The following UGT3A2 variants were observed in gnomAD, a reference collection of about 807,000 sequenced individuals.
UGT3A2 encodes the protein UDP-glycosyltransferase 3A2.
A neutral mutation model predicts 39.8 loss-of-function variants in UGT3A2; 32 were observed. The observed-to-expected ratio is 0.80, with a 90% confidence interval of 0.61 to 1.08. The LOEUF is 1.08. Ranked by LOEUF, UGT3A2 falls within the 50% of genes least tolerant of loss-of-function variation. The pLI, the probability that UGT3A2 is intolerant of heterozygous loss-of-function variation, is 0.00. For synonymous variants in UGT3A2, 241 were observed against 230.7 expected (o/e 1.04, Z -0.40); for missense variants, 611 against 637.1 (o/e 0.96, Z 0.44).
chr5:36,036,072 A>G (rs1191715214), intron 6 of UGT3A2, 98 bp from the exon 7 acceptor site: 4 of 1,452,342 alleles, frequency 2.8e-6, no homozygotes, highest in Non-Finnish European at 3.7e-6. Context: ...CTGAGTTCCA[A>G]GGAAATTCTG....
chr5:36,036,161 A>G (rs1741821734), intron 6 of UGT3A2, among the ~76,000 whole-genome samples, 187 bp from the exon 7 acceptor site: 1 of 152,264 alleles, frequency 6.6e-6, no homozygotes, highest in Non-Finnish European at 1.5e-5. Context: ...GTATAATGCT[A>G]AAAGTCTTAA....
chr5:36,037,349 TAAG>T (rs1236004286), intron 6 of UGT3A2, among the ~76,000 whole-genome samples: 1 of 152,088 alleles, frequency 6.6e-6, no homozygotes, highest in African/African-American at 2.4e-5. Flanking sequence ...AGGCGAACTC[TAAG>T]AAGAAATGAG....
intron 2 of UGT3A2, among the ~76,000 whole-genome samples, chr5:36,061,925 T>C (rs1742717927): frequency 6.7e-6 from 1 of 150,096 alleles, no homozygotes; most frequent in Non-Finnish European, 1.5e-5. Flanking sequence ...TTTTTAATGA[T>C]TGCCATTCTA....
At chr5:36,060,546 G>T (rs1342338565) in intron 2 of UGT3A2, among the ~76,000 whole-genome samples, 1 of 152,186 alleles carries the variant, frequency 6.6e-6, no homozygotes, top group African/African-American at 2.4e-5. Flanking sequence ...AATAAAAAGG[G>T]TTGTGGAAGC....
intron 4 of UGT3A2, among the ~76,000 whole-genome samples, chr5:36,046,878 C>A (rs1192115865): frequency 1.3e-5 from 2 of 152,132 alleles, no homozygotes; most frequent in African/African-American, 4.8e-5. Flanking sequence ...CTTAAAGTCC[C>A]CCAGGTAGCT....
chr5:36,065,327 G>A (rs1417583290), intron 1 of UGT3A2, among the ~76,000 whole-genome samples: 1 of 152,156 alleles, frequency 6.6e-6, no homozygotes, highest in Non-Finnish European at 1.5e-5. Flanking sequence ...GAGCAACAAG[G>A]GACGTATAAA....
intron 2 of UGT3A2, among the ~76,000 whole-genome samples, chr5:36,057,869 C>A (rs768379891): frequency 1.5e-4 from 23 of 152,094 alleles, no homozygotes; most frequent in Admixed American, 2.6e-4. Context: ...TTGGAAATGT[C>A]ATCATTAATT....
At chr5:36,050,837 G>A (rs1742320393) in intron 3 of UGT3A2, among the ~76,000 whole-genome samples, 2 of 149,188 alleles carry the variant, frequency 1.3e-5, no homozygotes, top group South Asian at 4.3e-4. Context: ...ACTCCAGCCT[G>A]GGCAACAAGA....
At chr5:36,049,672 G>A (rs964044893) in intron 3 of UGT3A2, among the ~76,000 whole-genome samples, 1 of 152,106 alleles carries the variant, frequency 6.6e-6, no homozygotes, top group Non-Finnish European at 1.5e-5. Context: ...CATCAATGCC[G>A]ACTCAAGGTC....
In UGT3A2 at chr5:36,048,960, C is replaced by T. The variant is rs1742250981; in HGVS notation, c.772G>A (p.Ala258Thr). The T allele has an allele frequency of 4.3e-6, 7 of 1,614,150 alleles. No homozygotes were observed. The East Asian group carries it at 1.6e-4, about 36-fold the overall frequency. ...ACAGTGTTGGGAAGCAGAGGTCGAG[C>T]AAAATCAAAGGCAAAGTCAGAGTTA... is the stretch of plus-strand genomic sequence containing the variant. ...FINSDFAFDF[A>T]RPLLPNTVYV... The change falls in exon 4 of 7, where the codon GCT (alanine) becomes ACT (threonine). Residue 258 changes from alanine to threonine, a missense_variant. Physicochemically the swap from Ala to Thr is moderately conservative, Grantham distance 58 (BLOSUM62 0). Transcript: ENST00000282507.
chr5:36,042,457 C>T (rs1742040001), intron 4 of UGT3A2, among the ~76,000 whole-genome samples: 1 of 151,460 alleles, frequency 6.6e-6, no homozygotes, highest in Non-Finnish European at 1.5e-5. Context: ...AAAAGGAAGA[C>T]AAGAAGAAAG....
chr5:36,057,937 A>G (rs562360906), intron 2 of UGT3A2, among the ~76,000 whole-genome samples: 2 of 152,318 alleles, frequency 1.3e-5, no homozygotes, highest in South Asian at 4.1e-4. Flanking sequence ...TGAAATTAAG[A>G]AATAATTGTC....
chr5:36,055,840 A>T (rs2111751691), intron 2 of UGT3A2, among the ~76,000 whole-genome samples: 1 of 152,166 alleles, frequency 6.6e-6, no homozygotes. Context: ...ACATGTTCTC[A>T]TTCCTTTTCA....
intron 4 of UGT3A2, among the ~76,000 whole-genome samples, chr5:36,046,984 A>G (rs917311810): frequency 6.6e-6 from 1 of 152,156 alleles, no homozygotes; most frequent in Non-Finnish European, 1.5e-5. Flanking sequence ...ATCAGGCAAA[A>G]CTTCCTCCCA....
chr5:36,051,225 C>G (rs1367306972), intron 3 of UGT3A2, among the ~76,000 whole-genome samples: 1 of 152,044 alleles, frequency 6.6e-6, no homozygotes, highest in Non-Finnish European at 1.5e-5. Context: ...TGCGATTGAC[C>G]AAGATAGGCA....
Position 36,066,880 on chromosome 5 carries a change from A to T in UGT3A2, c.-91T>A. ...CTGTGCACCTCAGTGCGCCAAAGGC[A>T]CTGGCTGTGGGTAGAGGTAGGAGTA... On this transcript the variant is annotated 5_prime_UTR_variant, in exon 1 of 7. Coordinates refer to ENST00000282507, the MANE Select transcript of UGT3A2 (RefSeq NM_174914.4). 1 of 1,459,214 alleles carries T rather than the reference A, an allele frequency of 6.9e-7. No homozygotes were observed. Among genetic ancestry groups the T allele is most frequent in the Non-Finnish European group, 9.6e-7 (1 of 1,041,426 alleles). The allele number at this position is 1,459,214 out of a possible 1,614,324, so 90.4% of individuals were successfully genotyped here.
At chr5:36,058,765 G>A (rs1161436638) in intron 2 of UGT3A2, among the ~76,000 whole-genome samples, 23 of 152,004 alleles carry the variant, frequency 1.5e-4, no homozygotes, top group Admixed American at 1.4e-3. Flanking sequence ...TTTGTCTTAG[G>A]TTTTCATTTC....
At chr5:36,046,700 G>A (rs1742177923) in intron 4 of UGT3A2, among the ~76,000 whole-genome samples, 2 of 151,960 alleles carry the variant, frequency 1.3e-5, no homozygotes, top group South Asian at 2.1e-4. Context: ...AGCACAACAG[G>A]GTGACTACAG....
chr5:36,061,937 C>T (rs1310029708), intron 2 of UGT3A2, among the ~76,000 whole-genome samples: 1 of 149,864 alleles, frequency 6.7e-6, no homozygotes, highest in Non-Finnish European at 1.5e-5. Context: ...GCCATTCTAA[C>T]TGGTGTGAGA....
Sources: gnomAD v4.1 joint callset for allele counts (sites outside exome capture counted in the v4.1 genomes callset) on GRCh38, gnomAD v4.1.1 for gene constraint, MANE v1.5 for transcripts, NCBI Gene and HGNC (gene_info 2026-07-23, HGNC 2026-07-21) for gene names.